Variants in HS6ST3 observed in about 807,000 individuals in gnomAD.
HS6ST3 encodes the protein heparan-sulfate 6-O-sulfotransferase 3.
Under a neutral mutation model 36.7 loss-of-function variants are expected in HS6ST3, and 12 were observed. That is an observed-to-expected ratio of 0.33 (90% confidence interval 0.21 to 0.53). HS6ST3 has a LOEUF of 0.53. Among genes scored for constraint, HS6ST3 ranks in the 20% least tolerant of loss-of-function variants. The pLI, the probability that HS6ST3 is intolerant of heterozygous loss-of-function variation, is 0.95. For synonymous variants in HS6ST3, 240 were observed against 257.5 expected (o/e 0.93, Z 0.65); for missense variants, 584 against 640.9 (o/e 0.91, Z 0.96).
chr13:96,530,286 TG>T (rs1391229504), intron 1 of HS6ST3, among the ~76,000 whole-genome samples: 2 of 152,202 alleles, frequency 1.3e-5, no homozygotes, highest in Non-Finnish European at 2.9e-5. Context: ...TAGGGATTAA[TG>T]GAACATAATT....
At chr13:96,702,798 C>T (rs1056546816) in intron 1 of HS6ST3, among the ~76,000 whole-genome samples, 1 of 152,156 alleles carries the variant, frequency 6.6e-6, no homozygotes, top group Non-Finnish European at 1.5e-5. Context: ...TGTAAGTTCA[C>T]AAGGCATATT....
intron 1 of HS6ST3, among the ~76,000 whole-genome samples, chr13:96,254,690 G>T (rs986495911): frequency 6.6e-6 from 1 of 151,532 alleles, no homozygotes; most frequent in Non-Finnish European, 1.5e-5. Context: ...GTCATTTCAG[G>T]TTTCTAAGGT....
Position 96,090,703 on chromosome 13 carries a change from C to T in HS6ST3, c.-160C>T. 1 of 342,462 alleles carries T rather than the reference C, an allele frequency of 2.9e-6. No individual in the cohort carries two copies. The highest frequency in any genetic ancestry group is 4.6e-6 in the Non-Finnish European group (1 of 217,768). The allele number at this position is 342,462 out of a possible 1,614,324, so 21.2% of individuals were successfully genotyped here. On this transcript the variant is annotated 5_prime_UTR_variant, in exon 1 of 2. Coordinates refer to ENST00000376705, the MANE Select transcript of HS6ST3 (RefSeq NM_153456.4). Reference sequence around the variant, plus strand: ...GCCCCGGCTCCTCAAGCCCCGAGGGCCGCGGGGCCGCCAGCCAGCCACACG... The same window carrying T: ...GCCCCGGCTCCTCAAGCCCCGAGGGTCGCGGGGCCGCCAGCCAGCCACACG...
intron 1 of HS6ST3, among the ~76,000 whole-genome samples, chr13:96,664,388 T>C (rs2056656477): frequency 2.0e-5 from 3 of 152,186 alleles, no homozygotes; most frequent in Admixed American, 1.3e-4. Flanking sequence ...TTTAACCATA[T>C]GTCATTTCAT....
Position 96,779,769 on chromosome 13 carries a change from T to TAAA in HS6ST3, c.708-52706_708-52704dup, listed in dbSNP as rs35417653. Among the ~76,000 whole-genome samples the TAAA allele has an allele frequency of 4.1e-3, 573 of 141,268 alleles. 1 individual carries two copies. Among genetic ancestry groups the TAAA allele is most frequent in the Non-Finnish European group, 6.2e-3 (396 of 64,272 alleles). 92.7% of individuals were successfully genotyped at this position (141,268 alleles called of 152,430 possible). A position where few individuals can be genotyped will look rare whatever the true frequency, so the allele number is the denominator to read the frequency against. ...CCAAGATTAAGCATGTATATTTACT[T>TAAA]AAAAAAAAAAAAAAAAACATTGTTC... On this transcript the variant is annotated intron_variant, in intron 1 of 1. Coordinates refer to ENST00000376705, the MANE Select transcript of HS6ST3 (RefSeq NM_153456.4).
Position 96,669,480 on chromosome 13 carries a change from C to T in HS6ST3, c.708-163010C>T, listed in dbSNP as rs569869256. Among the ~76,000 whole-genome samples the T allele has an allele frequency of 7.9e-5, 12 of 152,240 alleles. No individual in the cohort carries two copies. The South Asian group carries it at 1.7e-3, about 21-fold the overall frequency. On this transcript the variant is annotated intron_variant, in intron 1 of 1. Coordinates refer to ENST00000376705, the MANE Select transcript of HS6ST3 (RefSeq NM_153456.4). ...TTCCTCAATGGCCCATTTTTCTAGC[C>T]GGAACCCATCTGAGCTCACATTGAG...
chr13:96,386,081 A>G (rs2055366297), intron 1 of HS6ST3, among the ~76,000 whole-genome samples: 2 of 152,246 alleles, frequency 1.3e-5, no homozygotes, highest in Admixed American at 1.3e-4. Flanking sequence ...GAGACCAGGA[A>G]TAAATTGTGT....
intron 1 of HS6ST3, among the ~76,000 whole-genome samples, chr13:96,446,839 G>A (rs868393337): frequency 2.0e-5 from 3 of 152,116 alleles, no homozygotes; most frequent in Admixed American, 2.0e-4. Flanking sequence ...CAAGCAGTTC[G>A]CCCTCGAAAT....
chr13:96,635,866 T>C (rs904771622), intron 1 of HS6ST3, among the ~76,000 whole-genome samples: 14 of 152,072 alleles, frequency 9.2e-5, no homozygotes, highest in African/African-American at 3.1e-4. Context: ...TAACCCTACA[T>C]GAATATGATA....
intron 1 of HS6ST3, among the ~76,000 whole-genome samples, chr13:96,738,928 A>G (rs145788994): frequency 6.6e-6 from 1 of 152,258 alleles, no homozygotes; most frequent in East Asian, 1.9e-4. Flanking sequence ...TGTGCTTTCT[A>G]TACCTAAATC....
intron 1 of HS6ST3, among the ~76,000 whole-genome samples, chr13:96,659,586 A>T (rs1430110043): frequency 5.3e-5 from 8 of 152,042 alleles, no homozygotes; most frequent in Non-Finnish European, 8.8e-5. Flanking sequence ...TAAGGTATGA[A>T]GATATATGTT....
At chr13:96,672,181 C>T (rs1315041379) in intron 1 of HS6ST3, among the ~76,000 whole-genome samples, 3 of 152,152 alleles carry the variant, frequency 2.0e-5, no homozygotes, top group Non-Finnish European at 4.4e-5. Context: ...TTCTTATACA[C>T]AATACCTGTC....
At chr13:96,139,541 G>GAAAAAAAA (rs57777280) in intron 1 of HS6ST3, among the ~76,000 whole-genome samples, 4 of 66,280 alleles carry the variant, frequency 6.0e-5, no homozygotes, top group East Asian at 4.6e-4. Flanking sequence ...GTAAGATTCA[G>GAAAAAAAA]AAAAAAAAAA....
chr13:96,143,192 A>G (rs7984577), intron 1 of HS6ST3, among the ~76,000 whole-genome samples: 2,449 of 152,094 alleles, frequency 0.016, 57 homozygotes, highest in African/African-American at 0.056. Context: ...ATCATTGTAT[A>G]ATGAAGCTAA....
At chr13:96,727,737 C>A (rs1184013099) in intron 1 of HS6ST3, among the ~76,000 whole-genome samples, 1 of 152,212 alleles carries the variant, frequency 6.6e-6, no homozygotes, top group Non-Finnish European at 1.5e-5. Flanking sequence ...TCCATTCAAT[C>A]ACAGTCAATT....
At position 96,621,668 on chromosome 13, in the gene HS6ST3, A is replaced by G. The variant is rs570252678; in HGVS notation, c.708-210822A>G. Among the ~76,000 whole-genome samples, 3 of 152,262 alleles carry G rather than the reference A, an allele frequency of 2.0e-5. No homozygotes were observed. The South Asian group carries it at 6.2e-4, about 32-fold the overall frequency. The stretch of plus-strand genomic sequence containing the variant: ...ATTTAGTTACAGACTAATTGTCCTA[A>G]TTTTTATAACTTTATTGTCCCTCTC... On this transcript the variant is annotated intron_variant, in intron 1 of 1. Coordinates refer to ENST00000376705, the MANE Select transcript of HS6ST3 (RefSeq NM_153456.4).
At position 96,247,205 on chromosome 13, in the gene HS6ST3, C is replaced by G. The variant is rs113990496; in HGVS notation, c.707+155636C>G. ...TGGACCCCAGAACACCTCTCCAGTC[C>G]TTGGACCCTTTCCTCTTGGTGGCAA... On this transcript the variant is annotated intron_variant, in intron 1 of 1. Transcript: ENST00000376705. 4.1e-3 allele frequency among the ~76,000 whole-genome samples: 626 copies of G among 152,112 alleles called. 5 individuals carry two copies. The highest frequency in any genetic ancestry group is 0.014 in the Middle Eastern group (4 of 294).
At chr13:96,411,822 A>T (rs1365929006) in intron 1 of HS6ST3, among the ~76,000 whole-genome samples, 4 of 152,158 alleles carry the variant, frequency 2.6e-5, no homozygotes. Flanking sequence ...GGAACAACAG[A>T]GCTAAATGAT....
chr13:96,535,557 C>CAAAA (rs5805976), intron 1 of HS6ST3, among the ~76,000 whole-genome samples: 4 of 125,202 alleles, frequency 3.2e-5, no homozygotes, highest in Admixed American at 8.3e-5. Context: ...GACTCTGTTT[C>CAAAA]AAAAAAAAAA....
Sources: gnomAD v4.1 joint callset for allele counts (sites outside exome capture counted in the v4.1 genomes callset) on GRCh38, gnomAD v4.1.1 for gene constraint, MANE v1.5 for transcripts, NCBI Gene and HGNC (gene_info 2026-07-23, HGNC 2026-07-21) for gene names.